The following RHOJ variants were observed in gnomAD, a reference collection of about 807,000 sequenced individuals.
RHOJ encodes the protein rho-related GTP-binding protein RhoJ.
In RHOJ, 11 loss-of-function variants were observed where a neutral mutation model predicts 23.4. The ratio of observed to expected loss-of-function variants is 0.47; its 90% CI spans 0.30 to 0.78. The LOEUF (loss-of-function observed/expected upper bound fraction) is 0.78. Among genes scored for constraint, RHOJ ranks in the 30% least tolerant of loss-of-function variants. RHOJ has a pLI of 0.08. For missense variants in RHOJ, 254 were observed against 273.4 expected (o/e 0.93, Z 0.50); for synonymous variants, 102 against 102.7 (o/e 0.99, Z 0.04).
chr14:63,216,854 T>A (rs1180260094), intron 1 of RHOJ, among the ~76,000 whole-genome samples: 1 of 152,202 alleles, frequency 6.6e-6, no homozygotes, highest in Non-Finnish European at 1.5e-5. Flanking sequence ...CCATATCATG[T>A]TCTTTCTTTT....
chr14:63,207,809 T>C (rs1236418652), intron 1 of RHOJ, among the ~76,000 whole-genome samples: 1 of 152,168 alleles, frequency 6.6e-6, no homozygotes, highest in East Asian at 1.9e-4. Flanking sequence ...GCAGGGACAA[T>C]TAAGGTATTA....
chr14:63,219,406 A>G (rs1957784), intron 1 of RHOJ, among the ~76,000 whole-genome samples: 2 of 151,580 alleles, frequency 1.3e-5, no homozygotes, highest in African/African-American at 4.9e-5. Context: ...TTTTCATTTC[A>G]TGGTTGTTAA....
chr14:63,233,645 C>A (rs560773139), intron 1 of RHOJ, among the ~76,000 whole-genome samples: 2 of 152,136 alleles, frequency 1.3e-5, no homozygotes, highest in Non-Finnish European at 2.9e-5. Flanking sequence ...TATTTAATAG[C>A]TACAATAACA....
intron 1 of RHOJ, among the ~76,000 whole-genome samples, chr14:63,267,426 G>A (rs1476326245): frequency 6.6e-6 from 1 of 152,202 alleles, no homozygotes; most frequent in South Asian, 2.1e-4. Flanking sequence ...AGATGGCCCC[G>A]GGCCTGTATG....
chr14:63,265,276 A>AGT (rs1895346432), intron 1 of RHOJ, among the ~76,000 whole-genome samples: 3 of 152,076 alleles, frequency 2.0e-5, no homozygotes, highest in South Asian at 4.1e-4. Context: ...TATTGAGTAG[A>AGT]GTGTCTTTTC....
intron 1 of RHOJ, among the ~76,000 whole-genome samples, chr14:63,216,389 A>G (rs1037037342): frequency 6.6e-6 from 1 of 152,226 alleles, no homozygotes; most frequent in African/African-American, 2.4e-5. Flanking sequence ...CAAACCTCCT[A>G]AGAATTATGA....
intron 2 of RHOJ, among the ~76,000 whole-genome samples, chr14:63,279,311 C>T (rs534243336): frequency 6.6e-6 from 1 of 152,158 alleles, no homozygotes; most frequent in South Asian, 2.1e-4. Context: ...ATAGTGCACA[C>T]ACATCATATA....
chr14:63,225,345 G>A (rs1248969907), intron 1 of RHOJ, among the ~76,000 whole-genome samples: 1 of 152,170 alleles, frequency 6.6e-6, no homozygotes, highest in Non-Finnish European at 1.5e-5. Context: ...CTTTCCAGGA[G>A]AGGGTTATAT....
intron 1 of RHOJ, among the ~76,000 whole-genome samples, chr14:63,209,961 T>G: frequency 6.6e-6 from 1 of 150,674 alleles, no homozygotes; most frequent in East Asian, 1.9e-4. Context: ...TCCTTTTTTT[T>G]CTTTTTTTTT....
intron 1 of RHOJ, among the ~76,000 whole-genome samples, chr14:63,261,109 CGTCATT>C (rs1895264173): frequency 6.6e-6 from 1 of 152,172 alleles, no homozygotes; most frequent in South Asian, 2.1e-4. Context: ...TTCTTCTCTT[CGTCATT>C]GCCAATTTGA....
At chr14:63,230,841 C>CTTTTT (rs57848893) in intron 1 of RHOJ, among the ~76,000 whole-genome samples, 7,028 of 95,116 alleles carry the variant, frequency 0.074, 889 homozygotes, top group African/African-American at 0.13. Context: ...GGGTACAAGG[C>CTTTTT]TTTTTTTTTT....
intron 1 of RHOJ, among the ~76,000 whole-genome samples, chr14:63,239,187 C>T (rs543533064): frequency 6.6e-6 from 1 of 152,148 alleles, no homozygotes; most frequent in Non-Finnish European, 1.5e-5. Context: ...TCTCGACTCA[C>T]CGCAACCTCC....
chr14:63,238,408 T>A (rs769380568), intron 1 of RHOJ, among the ~76,000 whole-genome samples: 1 of 151,884 alleles, frequency 6.6e-6, no homozygotes, highest in Non-Finnish European at 1.5e-5. Context: ...GAGCTATGCA[T>A]TTTATTTATT....
intron 1 of RHOJ, among the ~76,000 whole-genome samples, chr14:63,219,880 A>C (rs1432079459): frequency 6.6e-6 from 1 of 152,034 alleles, no homozygotes. Flanking sequence ...GAATTTCTAC[A>C]TGAAGGGGAA....
chr14:63,256,836 G>A (rs747297991), intron 1 of RHOJ, among the ~76,000 whole-genome samples: 20 of 152,154 alleles, frequency 1.3e-4, no homozygotes, highest in Non-Finnish European at 2.2e-4. Flanking sequence ...AACTTTGGGA[G>A]GTCGAGGCAG....
intron 1 of RHOJ, among the ~76,000 whole-genome samples, chr14:63,259,559 A>G (rs948031372): frequency 1.3e-5 from 2 of 152,222 alleles, no homozygotes; most frequent in Non-Finnish European, 2.9e-5. Context: ...AAGGACAGAG[A>G]AGTGGTAGAC....
chr14:63,220,549 T>C (rs564184409), intron 1 of RHOJ, among the ~76,000 whole-genome samples: 1 of 151,950 alleles, frequency 6.6e-6, no homozygotes, highest in East Asian at 1.9e-4. Context: ...AGATTCCATG[T>C]AATCTAGGGA....
intron 2 of RHOJ, among the ~76,000 whole-genome samples, chr14:63,280,272 G>T (rs143206799): frequency 1.3e-5 from 2 of 152,054 alleles, no homozygotes; most frequent in African/African-American, 4.8e-5. Flanking sequence ...TGATCCTCCC[G>T]CCTTGGCTTC....
chr14:63,210,001 C>T (rs1376376244), intron 1 of RHOJ, among the ~76,000 whole-genome samples: 1 of 148,630 alleles, frequency 6.7e-6, no homozygotes, highest in Non-Finnish European at 1.5e-5. Flanking sequence ...CACTCTGTCA[C>T]CAGGCTAGAG....
Sources: allele counts gnomAD v4.1 joint callset (sites outside exome capture counted in the v4.1 genomes callset), GRCh38; gene constraint gnomAD v4.1.1; transcripts MANE v1.5; gene names NCBI Gene and HGNC (gene_info 2026-07-23, HGNC 2026-07-21).